The following PARD3 variants were observed in gnomAD, a reference collection of about 807,000 sequenced individuals.
PARD3 encodes partitioning defective 3 homolog.
In PARD3, 75 loss-of-function variants were observed where a neutral mutation model predicts 155.4. The observed-to-expected ratio is 0.48, with a 90% CI of 0.40 to 0.58. PARD3 has a LOEUF of 0.58. Ranked by LOEUF, PARD3 falls within the 20% of genes least tolerant of loss-of-function variation. The probability of loss-of-function intolerance (pLI) is 0.00; values close to 1 mark genes in which losing one functional copy is unlikely to be tolerated. For missense variants in PARD3, 1,642 were observed against 1,721.7 expected, an observed-to-expected ratio of 0.95 and a Z score of 0.82; for synonymous variants, 576 against 610.5, an observed-to-expected ratio of 0.94 and a Z score of 0.83.
At chr10:34,191,513 G>T (rs1483168033) in intron 22 of PARD3, among the ~76,000 whole-genome samples, 3 of 152,120 alleles carry the variant, frequency 2.0e-5, no homozygotes, top group East Asian at 1.9e-4. Context: ...GGCCCAAGGA[G>T]GAAACACCAA....
chr10:34,451,860 G>A (rs777096546), intron 4 of PARD3, among the ~76,000 whole-genome samples: 4 of 150,170 alleles, frequency 2.7e-5, no homozygotes, highest in Admixed American at 2.0e-4. Flanking sequence ...AAGGTTCACC[G>A]TATCTCAAGA....
At chr10:34,283,399 A>C (rs909601428) in intron 21 of PARD3, among the ~76,000 whole-genome samples, 1 of 152,160 alleles carries the variant, frequency 6.6e-6, no homozygotes, top group Non-Finnish European at 1.5e-5. Flanking sequence ...GTGAACCTGT[A>C]AACTCTAATA....
chr10:34,263,585 G>A (rs1169358873), intron 22 of PARD3, among the ~76,000 whole-genome samples: 1 of 152,196 alleles, frequency 6.6e-6, no homozygotes, highest in African/African-American at 2.4e-5. Context: ...CTTAAGCCCA[G>A]GAGGTTGAGG....
chr10:34,661,505 A>G (rs2093325464), intron 2 of PARD3, among the ~76,000 whole-genome samples: 1 of 152,220 alleles, frequency 6.6e-6, no homozygotes, highest in African/African-American at 2.4e-5. Context: ...GTTAATCAAT[A>G]CAAAGCAACC....
At chr10:34,377,841 G>T in intron 10 of PARD3, 126 bp downstream of exon 10, 1 of 573,452 alleles carries the variant, frequency 1.7e-6, no homozygotes, top group Non-Finnish European at 2.8e-6. Flanking sequence ...CACATTTTGT[G>T]ACGCATACTT....
At chr10:34,658,434 G>A (rs937245853) in intron 2 of PARD3, among the ~76,000 whole-genome samples, 1 of 152,008 alleles carries the variant, frequency 6.6e-6, no homozygotes, top group Non-Finnish European at 1.5e-5. Context: ...TACCACCCGC[G>A]GAACTGAGGA....
At chr10:34,644,879 G>A (rs12253752) in intron 2 of PARD3, among the ~76,000 whole-genome samples, 2,596 of 152,154 alleles carry the variant, frequency 0.017, 68 homozygotes, top group African/African-American at 0.059. Flanking sequence ...TTAGAAATAG[G>A]GTCTTACTCT....
intron 3 of PARD3, among the ~76,000 whole-genome samples, chr10:34,504,815 C>T (rs1037163809): frequency 6.6e-6 from 1 of 152,148 alleles, no homozygotes; most frequent in African/African-American, 2.4e-5. Flanking sequence ...GAACTGAGGA[C>T]ACAAAGCCAC....
At chr10:34,532,206 T>C (rs959571276) in intron 2 of PARD3, among the ~76,000 whole-genome samples, 1 of 152,136 alleles carries the variant, frequency 6.6e-6, no homozygotes, top group Admixed American at 6.5e-5. Flanking sequence ...ACAGGGTATC[T>C]ATATATATAT....
chr10:34,337,585 CTG>C (rs933648843), intron 16 of PARD3, among the ~76,000 whole-genome samples, 159 bp from the exon 17 acceptor site: 9 of 151,362 alleles, frequency 5.9e-5, no homozygotes, highest in African/African-American at 2.2e-4. Flanking sequence ...AAAAAAAAAA[CTG>C]TGGCTGTATA....
chr10:34,561,385 T>G (rs746564345), intron 2 of PARD3, among the ~76,000 whole-genome samples: 1 of 152,242 alleles, frequency 6.6e-6, no homozygotes, highest in Non-Finnish European at 1.5e-5. Flanking sequence ...ATTTCATTTG[T>G]CAGTTCCAGT....
At chr10:34,398,316 CATCT>C (rs1843543372) in intron 7 of PARD3, among the ~76,000 whole-genome samples, 1 of 152,174 alleles carries the variant, frequency 6.6e-6, no homozygotes, top group African/African-American at 2.4e-5. Context: ...TAATCCCACA[CATCT>C]ATCTTCTACA....
chr10:34,300,537 T>C (rs1351467279), intron 20 of PARD3, among the ~76,000 whole-genome samples: 1 of 151,888 alleles, frequency 6.6e-6, no homozygotes, highest in Non-Finnish European at 1.5e-5. Flanking sequence ...TGGTCCCAGC[T>C]ACATGGGAGG....
chr10:34,362,990 T>C (rs1243830583), intron 12 of PARD3, among the ~76,000 whole-genome samples: 1 of 152,220 alleles, frequency 6.6e-6, no homozygotes, highest in African/African-American at 2.4e-5. Context: ...CTTATAAGCA[T>C]GGAAAAGCTA....
At chr10:34,301,015 G>A (rs1451478731) in intron 20 of PARD3, among the ~76,000 whole-genome samples, 2 of 130,750 alleles carry the variant, frequency 1.5e-5, no homozygotes, top group Non-Finnish European at 3.7e-5. Flanking sequence ...TCTGCAATTA[G>A]GATTCACTTA....
At chr10:34,715,744 A>C (rs1250501135) in intron 1 of PARD3, among the ~76,000 whole-genome samples, 1 of 152,204 alleles carries the variant, frequency 6.6e-6, no homozygotes, top group African/African-American at 2.4e-5. Flanking sequence ...AGCATCTACC[A>C]TGTGGCAGGC....
rs1175859361 is a variant in PARD3 at position 34,422,190 on chromosome 10, G to GTA, written c.715-20274_715-20273insTA. Among the ~76,000 whole-genome samples, 1,183 of 152,112 alleles carry GTA rather than the reference G, an allele frequency of 7.8e-3. 14 individuals carry two copies. Among genetic ancestry groups the GTA allele is most frequent in the African/African-American group, 0.027 (1,120 of 41,474 alleles). ...ATATCATGGATTTTAAAGTTAGAAA[G>GTA]GCTGAGATTTAAAGCCAAGGTATAT... On this transcript the variant is annotated intron_variant, in intron 5 of 24. Transcript: ENST00000374788.
intron 12 of PARD3, among the ~76,000 whole-genome samples, chr10:34,369,287 T>A: frequency 6.6e-6 from 1 of 151,758 alleles, no homozygotes; most frequent in East Asian, 1.9e-4. Flanking sequence ...GAAAACATTA[T>A]GAGATTTTTG....
At chr10:34,550,163 T>C (rs753914212) in intron 2 of PARD3, among the ~76,000 whole-genome samples, 7 of 152,220 alleles carry the variant, frequency 4.6e-5, no homozygotes, top group Middle Eastern at 3.2e-3. Flanking sequence ...CACACATGCA[T>C]GGTGAGGAGG....
Sources: allele counts gnomAD v4.1 joint callset (sites outside exome capture counted in the v4.1 genomes callset), GRCh38; gene constraint gnomAD v4.1.1; transcripts MANE v1.5; gene names NCBI Gene and HGNC (gene_info 2026-07-23, HGNC 2026-07-21).